MRO: variants seen among roughly 807,000 people sequenced by gnomAD.
MRO encodes the protein maestro.
Under a neutral mutation model 31.0 loss-of-function variants are expected in MRO, and 28 were observed. The ratio of observed to expected loss-of-function variants is 0.90; its 90% confidence interval spans 0.67 to 1.24. The LOEUF is 1.24. Among genes scored for constraint, MRO ranks in the 50% most tolerant of loss-of-function variants. The pLI is 0.00. For missense variants in MRO, 332 were observed against 289.2 expected (o/e 1.15, Z -1.07); for synonymous variants, 108 against 108.4 (o/e 1.00, Z 0.02).
At position 50,819,722 on chromosome 18, in the gene MRO, A is replaced by T; in HGVS notation, c.-126-20T>A. The T allele has an allele frequency of 6.5e-7, 1 of 1,548,252 alleles. No individual in the cohort carries two copies. The highest frequency in any genetic ancestry group is 8.7e-7 in the Non-Finnish European group (1 of 1,144,540). On this transcript the variant is annotated intron_variant, in intron 1 of 7. Coordinates refer to ENST00000398439, the MANE Select transcript of MRO (RefSeq NM_031939.6). Reference sequence around the variant, plus strand: ...GAATTCCTAACATACAAGAAGGGAAATTAGGAGGTGACGCAGGGTCTGTCC... The same window carrying T: ...GAATTCCTAACATACAAGAAGGGAATTTAGGAGGTGACGCAGGGTCTGTCC...
chr18:50,809,271 A>T (rs1479419024), intron 3 of MRO, 31 bp downstream of exon 3: 6 of 1,547,944 alleles, frequency 3.9e-6, no homozygotes, highest in Admixed American at 1.7e-5. Flanking sequence ...TGCTGGGAGG[A>T]GAAATTTGTT....
upstream of MRO, among the ~76,000 whole-genome samples, chr18:50,822,227 T>C (rs1045728400): frequency 1.6e-4 from 13 of 79,244 alleles, no homozygotes; most frequent in Admixed American, 1.3e-3. Context: ...TTATTTAGCC[T>C]GCATTACTGA....
chr18:50,824,572 A>G (rs992590947), upstream of MRO, among the ~76,000 whole-genome samples: 4 of 149,190 alleles, frequency 2.7e-5, no homozygotes, highest in African/African-American at 9.9e-5. Flanking sequence ...TTCCTGCCTC[A>G]GCCTCCTTAG....
chr18:50,823,850 G>A, upstream of MRO: 1 of 205,722 alleles, frequency 4.9e-6, no homozygotes, highest in Non-Finnish European at 1.0e-5. Flanking sequence ...AATTTTTGCT[G>A]CATGTGCTTA....
Position 50,818,380 on chromosome 18 carries a change from A to G in MRO, c.-5+1201T>C, listed in dbSNP as rs902627645. Among the ~76,000 whole-genome samples, 6 of 152,274 alleles carry G rather than the reference A, an allele frequency of 3.9e-5. No individual in the cohort carries two copies. In the South Asian group the frequency reaches 6.2e-4, roughly 16 times the overall value. On this transcript the variant is annotated intron_variant, in intron 2 of 7. Coordinates refer to ENST00000398439, the MANE Select transcript of MRO (RefSeq NM_031939.6). ...TACTCATCTCTGCACACGTTCTTCAACGAATTCTTCTTCCTCTGGAACATA... is the reference window on the plus strand; with the variant it reads ...TACTCATCTCTGCACACGTTCTTCAGCGAATTCTTCTTCCTCTGGAACATA...
chr18:50,815,938 G>A (rs2144663784), intron 2 of MRO, among the ~76,000 whole-genome samples: 1 of 152,176 alleles, frequency 6.6e-6, no homozygotes, highest in South Asian at 2.1e-4. Flanking sequence ...GGAGGCTGAG[G>A]CACGAGAATC....
chr18:50,821,854 T>C (rs891916940), upstream of MRO, among the ~76,000 whole-genome samples: 2 of 152,242 alleles, frequency 1.3e-5, no homozygotes, highest in African/African-American at 4.8e-5. Context: ...ATACTTGCAC[T>C]GTGCTGACCT....
intron 6 of MRO, among the ~76,000 whole-genome samples, chr18:50,800,887 A>G (rs528444608): frequency 6.7e-6 from 1 of 149,676 alleles, no homozygotes; most frequent in Non-Finnish European, 1.5e-5. Flanking sequence ...ACTGTCTCAA[A>G]AAAAAAAAAA....
At chr18:50,808,981 C>CA (rs1177987228) in intron 3 of MRO, among the ~76,000 whole-genome samples, 6 of 150,008 alleles carry the variant, frequency 4.0e-5, no homozygotes, top group Admixed American at 4.0e-4. Context: ...ACTAAAAATA[C>CA]AAAAAAATTA....
rs753666367 is a variant in MRO, at chr18:50,806,710, AGG to A, written c.238_239del (p.Pro80Ter). 1.2e-5 allele frequency: 19 copies of A among 1,614,004 alleles called. No individual in the cohort carries two copies. Among genetic ancestry groups the A allele is most frequent in the Non-Finnish European group, 1.5e-5 (18 of 1,180,034 alleles). ...RNLGTMAYEA[P>X]DKVRKYKKIV... ...CCCCACTCTCCTTCCCTACCTTGTC[AGG>A]GGCTTCATAGGCCATGGTTCCCAAG... On this transcript the variant is annotated frameshift_variant, in exon 4 of 8. Coordinates refer to ENST00000398439, the MANE Select transcript of MRO (RefSeq NM_031939.6). LOFTEE classifies it high-confidence loss of function.
Position 50,804,916 on chromosome 18 carries a change from C to T in MRO, c.429+238G>A, listed in dbSNP as rs570240781. On this transcript the variant is annotated intron_variant, in intron 5 of 7. Transcript: ENST00000398439. Reference sequence around the variant, plus strand: ...AAGCGATTCTCCTGCCTCAGCCTCCCGACTAGCTGGGACTACAGGCGTGCA... The same window carrying T: ...AAGCGATTCTCCTGCCTCAGCCTCCTGACTAGCTGGGACTACAGGCGTGCA... Among the ~76,000 whole-genome samples the T allele has an allele frequency of 4.6e-5, 7 of 152,082 alleles. No homozygotes were observed. The South Asian group carries it at 6.2e-4, about 14-fold the overall frequency.
At chr18:50,824,512 T>C (rs1338304245), upstream of MRO, among the ~76,000 whole-genome samples, 1 of 149,110 alleles carries the variant, frequency 6.7e-6, no homozygotes, top group East Asian at 2.1e-4. Context: ...TGGAGTGCAA[T>C]ATTGCGATCT....
chr18:50,799,889 AG>A, intron 7 of MRO, 146 bp downstream of exon 7: 1 of 594,226 alleles, frequency 1.7e-6, no homozygotes, highest in South Asian at 2.4e-5. Context: ...TGCTCTTCTC[AG>A]AAAAAAAGAA....
intron 7 of MRO, 106 bp from the exon 8 acceptor site, chr18:50,799,496 G>A: frequency 3.2e-6 from 3 of 928,556 alleles, no homozygotes; most frequent in Non-Finnish European, 5.3e-6. Flanking sequence ...ATAAGCAGGA[G>A]AGGTGGAGGC....
At position 50,802,915 on chromosome 18, in the gene MRO, T is replaced by TGTG. The variant is rs780095287; in HGVS notation, c.430-1412_430-1411insCAC. Among the ~76,000 whole-genome samples the TGTG allele has an allele frequency of 7.3e-5, 8 of 109,006 alleles. 1 individual carries two copies. Among genetic ancestry groups the TGTG allele is most frequent in the African/African-American group, 2.3e-4 (6 of 26,356 alleles). The allele number at this position is 109,006 out of a possible 152,430, so 71.5% of individuals were successfully genotyped here. Reference sequence around the variant, plus strand: ...GTGAGTGTTTGTGTATGTGTGTGTGTAGTGTGTGTGTGTGTGTGTGTGTGT... The same window carrying TGTG: ...GTGAGTGTTTGTGTATGTGTGTGTGTGTGAGTGTGTGTGTGTGTGTGTGTGTGT... On this transcript the variant is annotated intron_variant, in intron 5 of 7. Transcript: ENST00000398439.
intron 3 of MRO, among the ~76,000 whole-genome samples, 158 bp downstream of exon 3, chr18:50,809,144 C>CAAAAAAAAAA (rs61728184): frequency 0.011 from 1,128 of 98,998 alleles, 162 homozygotes; most frequent in Non-Finnish European, 0.018. Context: ...GACTCCGTCT[C>CAAAAAAAAAA]AAAAAAAAAA....
upstream of MRO, among the ~76,000 whole-genome samples, chr18:50,824,978 G>A (rs1915459846): frequency 2.0e-5 from 3 of 150,760 alleles, no homozygotes; most frequent in Admixed American, 2.0e-4. Context: ...CGGAGGCTGA[G>A]GCAGGAGAAC....
In MRO at chr18:50,801,332, C is replaced by A; in HGVS notation, c.585+17G>T. 6.5e-7 allele frequency: 1 copy of A among 1,543,490 alleles called. No homozygotes were observed. The highest frequency in any genetic ancestry group is 8.8e-7 in the Non-Finnish European group (1 of 1,141,306). The stretch of plus-strand genomic sequence containing the variant: ...CATGGAGATGTCACTCTGTTGGTTG[C>A]AGAGTCAAGGTCTTACCTTGGCAAC... On this transcript the variant is annotated intron_variant, in intron 6 of 7. Coordinates refer to ENST00000398439, the MANE Select transcript of MRO (RefSeq NM_031939.6).
chr18:50,803,355 A>G (rs1460607646), intron 5 of MRO, among the ~76,000 whole-genome samples: 1 of 152,006 alleles, frequency 6.6e-6, no homozygotes. Context: ...AAAACTACGA[A>G]AATTAGCCAG....
Sources: gnomAD v4.1 joint callset for allele counts (sites outside exome capture counted in the v4.1 genomes callset) on GRCh38, gnomAD v4.1.1 for gene constraint, MANE v1.5 for transcripts, NCBI Gene and HGNC (gene_info 2026-07-23, HGNC 2026-07-21) for gene names.